Variants in FBXW9 observed in about 807,000 individuals in gnomAD.
FBXW9 encodes the protein F-box/WD repeat-containing protein 9.
FBXW9 carries 38 observed loss-of-function variants against 55.8 expected under a neutral mutation model. That is an observed-to-expected ratio of 0.68 (90% confidence interval 0.53 to 0.89). FBXW9 has a LOEUF of 0.89. FBXW9 is among the 40% of genes least tolerant of loss of function. FBXW9 has a pLI of 0.00. For missense variants in FBXW9, 590 were observed against 619.4 expected, an observed-to-expected ratio of 0.95 and a Z score of 0.50; for synonymous variants, 289 against 278.2, an observed-to-expected ratio of 1.04 and a Z score of -0.38.
chr19:12,693,583 C>G (rs1388432572), intron 3 of FBXW9, among the ~76,000 whole-genome samples: 1 of 96,246 alleles, frequency 1.0e-5, no homozygotes, highest in African/African-American at 9.3e-5. Flanking sequence ...CACACACACA[C>G]ACACACACAC....
intron 3 of FBXW9, among the ~76,000 whole-genome samples, chr19:12,691,708 C>G (rs899861830): frequency 2.8e-4 from 42 of 152,174 alleles, no homozygotes; most frequent in Non-Finnish European, 5.6e-4. Context: ...AAGTTTGTGT[C>G]CATGGGTCAG....
chr19:12,689,020 G>A lies in FBXW9; in HGVS notation c.*196C>T, dbSNP rs1337638651. The A allele has an allele frequency of 2.8e-6, 2 of 702,494 alleles. No homozygotes were observed. Among genetic ancestry groups the A allele is most frequent in the Non-Finnish European group, 5.2e-6 (2 of 385,292 alleles). 43.5% of individuals were successfully genotyped at this position (702,494 alleles called of 1,614,324 possible). ...GCCCAAGAGTGGGAAGCGGCCCCCTGGGTGGGCCTGAACCCCAATTTCACC... is the reference window on the plus strand; with the variant it reads ...GCCCAAGAGTGGGAAGCGGCCCCCTAGGTGGGCCTGAACCCCAATTTCACC... On this transcript the variant is annotated 3_prime_UTR_variant, in exon 10 of 10. Coordinates refer to ENST00000393261, the MANE Select transcript of FBXW9 (RefSeq NM_032301.3). The surrounding 1 kb of genome is among the most constrained non-coding windows in gnomAD (Gnocchi z 5.9).
intron 3 of FBXW9, among the ~76,000 whole-genome samples, chr19:12,692,994 A>C (rs951837676): frequency 2.0e-5 from 3 of 152,194 alleles, no homozygotes; most frequent in Middle Eastern, 3.2e-3. Context: ...CCCTTGCCTC[A>C]GGAGCTAATA....
chr19:12,696,605 C>T lies in FBXW9; in HGVS notation c.-24G>A, dbSNP rs755030888. 6.2e-7 allele frequency: 1 copy of T among 1,600,902 alleles called. No individual in the cohort carries two copies. Among genetic ancestry groups the T allele is most frequent in the Non-Finnish European group, 8.5e-7 (1 of 1,178,816 alleles). ...ATTGCGACCGGGTGGGCGCTGCCGGCCTCGCGTCTTGTCTCCTAGGCAGCA... is the reference window on the plus strand; with the variant it reads ...ATTGCGACCGGGTGGGCGCTGCCGGTCTCGCGTCTTGTCTCCTAGGCAGCA... On this transcript the variant is annotated 5_prime_UTR_variant, in exon 1 of 10. Transcript: ENST00000393261.
At position 12,694,915 on chromosome 19, in the gene FBXW9, C is replaced by A; in HGVS notation, c.433G>T (p.Ala145Ser). 5 of 1,613,826 alleles carry A rather than the reference C, an allele frequency of 3.1e-6. No individual in the cohort carries two copies. Among genetic ancestry groups the A allele is most frequent in the Non-Finnish European group, 4.2e-6 (5 of 1,180,016 alleles). The stretch of plus-strand genomic sequence containing the variant: ...AGGTGCTGCTCCAGCGCAATGCAGG[C>A]TGCCGGCCAGTCAAAGTTCTTCTCT... ...VEEKNFDWPA[A>S]CIALEQHLSR... The change falls in exon 2 of 10, where the codon GCC becomes TCC. Residue 145 changes from alanine to serine, a missense_variant. By Grantham distance (99) the Ala-to-Ser change is moderately conservative. Coordinates refer to ENST00000393261, the MANE Select transcript of FBXW9 (RefSeq NM_032301.3).
chr19:12,692,744 G>A (rs950387761), intron 3 of FBXW9, among the ~76,000 whole-genome samples: 1 of 151,628 alleles, frequency 6.6e-6, no homozygotes, highest in East Asian at 1.9e-4. Context: ...GGCTGGTCTC[G>A]AACTCCTGGG....
chr19:12,691,146 C>T lies in FBXW9; in HGVS notation c.883+20G>A, dbSNP rs1002248998. On this transcript the variant is annotated intron_variant, in intron 5 of 9. Coordinates refer to ENST00000393261, the MANE Select transcript of FBXW9 (RefSeq NM_032301.3). The stretch of plus-strand genomic sequence containing the variant: ...CTAACATGACATCTCCCAACCTGGG[C>T]CCCAGGACCCTTGGCCCACCTCTGG... 3 of 1,606,674 alleles carry T rather than the reference C, an allele frequency of 1.9e-6. No individual in the cohort carries two copies. The African/African-American group carries it at 4.0e-5, about 21-fold the overall frequency.
Position 12,693,559 on chromosome 19 carries a change from TATACACACACACACACACACACAC to T in FBXW9, c.678+1011_678+1034del, listed in dbSNP as rs1213409010. ...ATATATATATATATATATATATATA[TATACACACACACACACACACACAC>T]ACACACACACACACACACACACACA... On this transcript the variant is annotated intron_variant, in intron 3 of 9. Coordinates refer to ENST00000393261, the MANE Select transcript of FBXW9 (RefSeq NM_032301.3). Among the ~76,000 whole-genome samples the T allele has an allele frequency of 3.6e-3, 40 of 10,980 alleles. 3 individuals are homozygous for T. The highest frequency in any genetic ancestry group is 0.013 in the African/African-American group (33 of 2,630). The allele number at this position is 10,980 out of a possible 152,430, so 7.2% of individuals were successfully genotyped here.
chr19:12,690,174 T>C (rs781458086), intron 5 of FBXW9, 64 bp from the exon 6 acceptor site: 1 of 1,599,528 alleles, frequency 6.3e-7, no homozygotes, highest in Non-Finnish European at 8.5e-7. Context: ...CCCCAGCCCA[T>C]GAGAGCATCC....
rs779286825 is a variant in FBXW9, at chr19:12,694,675, C to T, written c.597G>A (p.Leu199=). The T allele has an allele frequency of 6.2e-7, 1 of 1,614,224 alleles. No individual in the cohort carries two copies. Among genetic ancestry groups the T allele is most frequent in the Non-Finnish European group, 8.5e-7 (1 of 1,180,048 alleles). ...LSGSRDRNVN[L]WDLRQLGTES... ...CCGTCCCCAGCTGCCGCAGGTCCCA[C>T]AAGTTGACGTTGCGATCTCGGGAGC... The change falls in exon 3 of 10, where the codon TTG becomes TTA. Residue 199 remains leucine (L), a synonymous_variant. Transcript: ENST00000393261.
chr19:12,695,074 C>T, intron 1 of FBXW9, 136 bp from the exon 2 acceptor site: 1 of 988,908 alleles, frequency 1.0e-6, no homozygotes, highest in Non-Finnish European at 1.4e-6. Context: ...ATCCCTACTC[C>T]CACCCCAAGC....
In FBXW9 at chr19:12,688,995, G is replaced by T. The variant is rs2024961703; in HGVS notation, c.*221C>A. 4.3e-6 allele frequency: 3 copies of T among 695,376 alleles called. No individual in the cohort carries two copies. Among genetic ancestry groups the T allele is most frequent in the South Asian group, 3.0e-5 (2 of 66,626 alleles). The allele number at this position is 695,376 out of a possible 1,614,324, so 43.1% of individuals were successfully genotyped here. On this transcript the variant is annotated 3_prime_UTR_variant, in exon 10 of 10. Transcript: ENST00000393261. ...GCATCCAAATCATAACAAAACCAGG[G>T]CCCAAGAGTGGGAAGCGGCCCCCTG...
At chr19:12,690,837 T>C (rs186986321) in intron 5 of FBXW9, among the ~76,000 whole-genome samples, 18 of 152,252 alleles carry the variant, frequency 1.2e-4, no homozygotes, top group African/African-American at 4.1e-4. Flanking sequence ...TCCACCACTG[T>C]TCCTATTATC....
At chr19:12,694,533 G>C (rs2025050310) in intron 3 of FBXW9, 61 bp downstream of exon 3, 2 of 1,569,054 alleles carry the variant, frequency 1.3e-6, no homozygotes, top group East Asian at 4.5e-5. Flanking sequence ...CCAAAACCTG[G>C]GGCCTTAACC....
chr19:12,696,192 C>T lies in FBXW9; in HGVS notation c.390G>A (p.Ala130=), dbSNP rs894897654. ...GCGCACCTTCCACCACTGGGTAGGG[C>T]GCGCGTACGCGGCGTAGCGCGCGTA... ...WRLRALRRVR[A]PYPVVEEKNF... Residue 130 remains alanine (A), a synonymous_variant, in exon 1 of 10, where the codon GCG becomes GCA. Transcript: ENST00000393261. 7.1e-6 allele frequency: 11 copies of T among 1,542,858 alleles called. No homozygotes were observed. The African/African-American group carries it at 1.5e-4, about 21-fold the overall frequency.
chr19:12,690,050 G>T lies in FBXW9; in HGVS notation c.944C>A (p.Ala315Glu). The T allele has an allele frequency of 6.2e-7, 1 of 1,614,028 alleles. No homozygotes were observed. The highest frequency in any genetic ancestry group is 1.3e-5 in the African/African-American group (1 of 75,038). Residue 315 changes from alanine (A) to glutamate (E), a missense_variant, in exon 6 of 10, where the codon GCG becomes GAG. Ala to Glu is a moderately radical substitution (Grantham distance 107, BLOSUM62 -1). Coordinates refer to ENST00000393261, the MANE Select transcript of FBXW9 (RefSeq NM_032301.3). ...LHSRPVLTLL[A>E]DDRHIISGSE... ...GCCTGAGATGATGTGCCGGTCATCC[G>T]CCAGCAGGGTCAGCACGGGTCTGGA...
chr19:12,691,661 G>A (rs1192252326), intron 3 of FBXW9, among the ~76,000 whole-genome samples: 2 of 152,200 alleles, frequency 1.3e-5, no homozygotes, highest in Admixed American at 1.3e-4. Flanking sequence ...CCATTGCATA[G>A]ATGAAACCAG....
rs748898104 is a variant in FBXW9 at position 12,696,615 on chromosome 19, T to G, written c.-34A>C. 1 of 1,598,552 alleles carries G rather than the reference T, an allele frequency of 6.3e-7. No homozygotes were observed. Among genetic ancestry groups the G allele is most frequent in the Non-Finnish European group, 8.5e-7 (1 of 1,178,624 alleles). ...GGTGGGCGCTGCCGGCCTCGCGTCTTGTCTCCTAGGCAGCACGAGGGCACT... is the reference window on the plus strand; with the variant it reads ...GGTGGGCGCTGCCGGCCTCGCGTCTGGTCTCCTAGGCAGCACGAGGGCACT... On this transcript the variant is annotated 5_prime_UTR_variant, in exon 1 of 10. Coordinates refer to ENST00000393261, the MANE Select transcript of FBXW9 (RefSeq NM_032301.3).
Position 12,694,788 on chromosome 19 carries a change from C to T in FBXW9, c.549+11G>A, listed in dbSNP as rs759976228. The T allele has an allele frequency of 1.2e-6, 2 of 1,613,850 alleles. No individual in the cohort carries two copies. Among genetic ancestry groups the T allele is most frequent in the East Asian group, 2.2e-5 (1 of 44,878 alleles). ...CCCACCCTGCCTGGCCCCCCACAGA[C>T]CCCGTCTCACCTGGAGCAGCAGCAC... is the stretch of plus-strand genomic sequence containing the variant. On this transcript the variant is annotated intron_variant, in intron 2 of 9. Coordinates refer to ENST00000393261, the MANE Select transcript of FBXW9 (RefSeq NM_032301.3).
Sources: gnomAD v4.1 joint callset for allele counts (sites outside exome capture counted in the v4.1 genomes callset) on GRCh38, gnomAD v4.1.1 for gene constraint, Gnocchi (gnomAD v3.1) non-coding constraint, MANE v1.5 for transcripts, NCBI Gene and HGNC (gene_info 2026-07-23, HGNC 2026-07-21) for gene names.